Variants in CFAP77 observed in about 807,000 individuals in gnomAD.
The protein encoded by CFAP77 is cilia and flagella associated protein 77, also known as cilia- and flagella-associated protein 77.
In CFAP77, 25 loss-of-function variants were observed where a neutral mutation model predicts 31.1. The observed-to-expected ratio is 0.80, with a 90% CI of 0.59 to 1.12. The LOEUF (loss-of-function observed/expected upper bound fraction) is 1.12, where lower values mean the gene tolerates loss of function less well. Among genes scored for constraint, CFAP77 ranks in the 50% most tolerant of loss-of-function variants. The pLI is 0.00. For synonymous variants in CFAP77, 151 were observed against 159.9 expected (o/e 0.94, Z 0.42); for missense variants, 377 against 397.3 (o/e 0.95, Z 0.44).
At chr9:132,566,380 C>T (rs1325423307) in intron 5 of CFAP77, among the ~76,000 whole-genome samples, 1 of 152,178 alleles carries the variant, frequency 6.6e-6, no homozygotes, top group African/African-American at 2.4e-5. Context: ...AAAATGGAGA[C>T]AACGATGGTG....
At position 132,534,784 on chromosome 9, in the gene CFAP77, T is replaced by C. The variant is rs902395796; in HGVS notation, c.525-2817T>C. Among the ~76,000 whole-genome samples, 3 of 152,302 alleles carry C rather than the reference T, an allele frequency of 2.0e-5. No homozygotes were observed. In the South Asian group the frequency reaches 6.2e-4, roughly 32 times the overall value. On this transcript the variant is annotated intron_variant, in intron 3 of 5. Transcript: ENST00000393216. ...AGGTTTTCCTTTTTTCCCACCAGAA[T>C]TATGCATATATATCCATATGTCATA... is the stretch of plus-strand genomic sequence containing the variant.
rs544196383 is a variant in CFAP77, at chr9:132,571,534, A to G, written c.733-854A>G. 3.3e-5 allele frequency among the ~76,000 whole-genome samples: 5 copies of G among 152,306 alleles called. No individual in the cohort carries two copies. The South Asian group carries it at 1.0e-3, about 32-fold the overall frequency. On this transcript the variant is annotated intron_variant, in intron 5 of 5. Transcript: ENST00000393216. ...AGCCGAGTCTCTCTGGTTTACTGCCATATCCCCCACATCTGACACAGAGTT... is the reference window on the plus strand; with the variant it reads ...AGCCGAGTCTCTCTGGTTTACTGCCGTATCCCCCACATCTGACACAGAGTT...
At chr9:132,474,580 C>CG (rs1564217660) in intron 1 of CFAP77, among the ~76,000 whole-genome samples, 25 of 151,714 alleles carry the variant, frequency 1.6e-4, no homozygotes, top group Admixed American at 1.2e-3. Context: ...CCCTTAGGAC[C>CG]AGGGGGGGAA....
chr9:132,471,686 GTT>G (rs1491502087), intron 1 of CFAP77, among the ~76,000 whole-genome samples: 1 of 101,034 alleles, frequency 9.9e-6, no homozygotes, highest in Non-Finnish European at 2.1e-5. Flanking sequence ...GAGGGGGGTT[GTT>G]TTTGTTTTGT....
At chr9:132,522,210 C>A (rs1852281220) in intron 3 of CFAP77, among the ~76,000 whole-genome samples, 1 of 152,196 alleles carries the variant, frequency 6.6e-6, no homozygotes, top group Admixed American at 6.5e-5. Flanking sequence ...TGGACTTGGC[C>A]TCTATGTGCA....
At chr9:132,470,389 G>T (rs1851234840) in intron 1 of CFAP77, among the ~76,000 whole-genome samples, 1 of 152,136 alleles carries the variant, frequency 6.6e-6, no homozygotes, top group African/African-American at 2.4e-5. Context: ...ATGGAGGCAG[G>T]ATGAGGACCC....
At chr9:132,510,633 A>G (rs899368297) in intron 3 of CFAP77, among the ~76,000 whole-genome samples, 1 of 152,196 alleles carries the variant, frequency 6.6e-6, no homozygotes, top group Non-Finnish European at 1.5e-5. Context: ...GAGCCCAGCC[A>G]GGAGGAGCTG....
intron 1 of CFAP77, among the ~76,000 whole-genome samples, chr9:132,435,416 C>G (rs1360651367): frequency 2.6e-5 from 4 of 152,200 alleles, no homozygotes; most frequent in Non-Finnish European, 5.9e-5. Context: ...TGAGCTATCA[C>G]CATGCGTAGC....
At chr9:132,548,653 G>T (rs576317004) in intron 5 of CFAP77, among the ~76,000 whole-genome samples, 5 of 152,056 alleles carry the variant, frequency 3.3e-5, no homozygotes, top group Non-Finnish European at 7.4e-5. Flanking sequence ...TTTAGAAGGG[G>T]GCTTGCCCAA....
chr9:132,420,962 G>C (rs930924272), intron 1 of CFAP77, among the ~76,000 whole-genome samples: 4 of 149,560 alleles, frequency 2.7e-5, no homozygotes, highest in Non-Finnish European at 5.9e-5. Context: ...GACGAAAGGA[G>C]ATGAGGAAAG....
rs1851772454 is a variant in CFAP77, at chr9:132,497,964, A to C, written c.196-731A>C. On this transcript the variant is annotated intron_variant, in intron 1 of 5. Transcript: ENST00000393216. This position sits in a 1 kb window ranked among gnomAD's most constrained non-coding sequence, Gnocchi z 4.9. ...CACGCCTCCATGCGATGCCCTGCCC[A>C]GCGCTTGGGGGCCGGGGATATCGAC... Among the ~76,000 whole-genome samples, 1 of 152,140 alleles carries C rather than the reference A, an allele frequency of 6.6e-6. No individual in the cohort carries two copies. The highest frequency in any genetic ancestry group is 1.5e-5 in the Non-Finnish European group (1 of 68,018).
In CFAP77 at chr9:132,499,749, T is replaced by A; in HGVS notation, c.524+149T>A. 1 of 742,444 alleles carries A rather than the reference T, an allele frequency of 1.3e-6. No homozygotes were observed. Among genetic ancestry groups the A allele is most frequent in the Non-Finnish European group, 2.3e-6 (1 of 441,218 alleles). The allele number at this position is 742,444 out of a possible 1,614,324, so 46.0% of individuals were successfully genotyped here. On this transcript the variant is annotated intron_variant, in intron 3 of 5. Transcript: ENST00000393216. This position sits in a 1 kb window ranked among gnomAD's most constrained non-coding sequence, Gnocchi z 5.4. ...ATGACTCTCTCTTGTGTGACCTCTA[T>A]AGCCACACCCTGAATCCTGCTGAGC... is the stretch of plus-strand genomic sequence containing the variant.
At chr9:132,472,636 T>C (rs768202437) in intron 1 of CFAP77, among the ~76,000 whole-genome samples, 17 of 152,140 alleles carry the variant, frequency 1.1e-4, no homozygotes, top group Non-Finnish European at 1.9e-4. Context: ...GCAGCCATAG[T>C]GGTGCCTGTA....
intron 1 of CFAP77, among the ~76,000 whole-genome samples, chr9:132,461,511 G>A (rs1048935022): frequency 2.6e-5 from 4 of 152,186 alleles, no homozygotes; most frequent in Admixed American, 2.0e-4. Context: ...ACTAGGGCAG[G>A]CCCCAGCAGC....
chr9:132,514,214 G>A (rs769060496), intron 3 of CFAP77, among the ~76,000 whole-genome samples: 2 of 150,612 alleles, frequency 1.3e-5, no homozygotes, highest in African/African-American at 2.4e-5. Context: ...AGAGTGAGGG[G>A]ACGCCCCCTT....
rs559127 is a variant in CFAP77 at position 132,490,203 on chromosome 9, G to A, written c.196-8492G>A. On this transcript the variant is annotated intron_variant, in intron 1 of 5. Coordinates refer to ENST00000393216, the MANE Select transcript of CFAP77 (RefSeq NM_001282957.2). This position sits in a 1 kb window ranked among gnomAD's most constrained non-coding sequence, Gnocchi z 4.6. Reference sequence around the variant, plus strand: ...GCACCTATTCCCCCATGAGTGCAGAGCCCTCATGACTCAACCACCCCCTAA... The same window carrying A: ...GCACCTATTCCCCCATGAGTGCAGAACCCTCATGACTCAACCACCCCCTAA... 0.29 allele frequency among the ~76,000 whole-genome samples: 43,755 copies of A among 151,952 alleles called. 8,074 individuals are homozygous for A. Among genetic ancestry groups the A allele is most frequent in the African/African-American group, 0.53 (21,841 of 41,384 alleles).
intron 1 of CFAP77, among the ~76,000 whole-genome samples, chr9:132,465,563 A>C (rs553635259): frequency 1.2e-3 from 187 of 152,292 alleles, no homozygotes; most frequent in African/African-American, 4.3e-3. Flanking sequence ...TGTGTGCCCA[A>C]GTTCAGGTGA....
chr9:132,560,617 G>A (rs113805840), intron 5 of CFAP77, among the ~76,000 whole-genome samples: 7 of 152,166 alleles, frequency 4.6e-5, no homozygotes, highest in Non-Finnish European at 7.3e-5. Flanking sequence ...CTTCTGCTCC[G>A]GTAAGTCCCG....
chr9:132,419,728 A>G (rs1850176897), intron 1 of CFAP77, among the ~76,000 whole-genome samples: 1 of 152,124 alleles, frequency 6.6e-6, no homozygotes, highest in Non-Finnish European at 1.5e-5. Flanking sequence ...TGAACCCATC[A>G]GCCAAAGAGC....
Sources: gnomAD v4.1 joint callset for allele counts (sites outside exome capture counted in the v4.1 genomes callset) on GRCh38, gnomAD v4.1.1 for gene constraint, Gnocchi (gnomAD v3.1) non-coding constraint, MANE v1.5 for transcripts, NCBI Gene and HGNC (gene_info 2026-07-23, HGNC 2026-07-21) for gene names.